The following MPV17L variants were observed in gnomAD, a reference collection of about 807,000 sequenced individuals.
MPV17L encodes the protein MPV17 mitochondrial inner membrane protein like, also known as mpv17-like protein.
MPV17L carries 24 observed loss-of-function variants against 25.8 expected under a neutral mutation model. The ratio of observed to expected loss-of-function variants is 0.93; its 90% CI spans 0.67 to 1.31. The LOEUF is 1.31. Among genes scored for constraint, MPV17L ranks in the 50% most tolerant of loss-of-function variants. MPV17L has a pLI of 0.00. For missense variants in MPV17L, 250 were observed against 265.6 expected (o/e 0.94, Z 0.41); for synonymous variants, 102 against 115.3 (o/e 0.88, Z 0.74).
chr16:15,397,785 AAC>A (rs2050600160), intron 1 of MPV17L, among the ~76,000 whole-genome samples: 1 of 149,770 alleles, frequency 6.7e-6, no homozygotes, highest in Non-Finnish European at 1.5e-5. Context: ...CCCCACCAGA[AAC>A]ACAAACCACC....
Position 15,412,812 on chromosome 16 carries a change from C to T in MPV17L, c.*4700C>T, listed in dbSNP as rs2050745464. 2 of 151,534 alleles carry T rather than the reference C, an allele frequency of 1.3e-5. No individual in the cohort carries two copies. The highest frequency in any genetic ancestry group is 2.4e-5 in the African/African-American group (1 of 41,222). The allele number at this position is 151,534 out of a possible 1,614,324, so 9.4% of individuals were successfully genotyped here. The stretch of plus-strand genomic sequence containing the variant: ...AGCCAGGATGGTCTCAACCTCCTGA[C>T]CTCGTGATCTGCCTGCCTCTGCCTC... On this transcript the variant is annotated 3_prime_UTR_variant, in exon 4 of 4. Coordinates refer to ENST00000396385, the MANE Select transcript of MPV17L (RefSeq NM_001128423.2).
intron 1 of MPV17L, among the ~76,000 whole-genome samples, chr16:15,398,109 G>A (rs948971056): frequency 4.0e-5 from 6 of 151,846 alleles, no homozygotes; most frequent in African/African-American, 1.5e-4. Context: ...CAGTGGCCCA[G>A]TCTCAGCTCA....
chr16:15,407,930 C>T lies in MPV17L; in HGVS notation c.412-3C>T, dbSNP rs72774859. ...GCCCTAACGGACTCTCTCTCTGTTC[C>T]AGCTGACCAACTTCAGCCTTGTTCC... On this transcript the variant is annotated splice_region_variant and splice_polypyrimidine_tract_variant and intron_variant, in intron 3 of 3. Coordinates refer to ENST00000396385, the MANE Select transcript of MPV17L (RefSeq NM_001128423.2). 0.033 allele frequency: 52,879 copies of T among 1,613,610 alleles called. 1,006 individuals carry two copies. Among genetic ancestry groups the T allele is most frequent in the Non-Finnish European group, 0.038 (44,881 of 1,179,950 alleles).
rs2050733110 is a variant in MPV17L at position 15,411,477 on chromosome 16, C to T, written c.*3365C>T. ...CCTAGGCAACATGGCAAGAGCCTGT[C>T]TCTCCAAAACCTACAAAAATTAGCC... On this transcript the variant is annotated 3_prime_UTR_variant, in exon 4 of 4. Transcript: ENST00000396385. 3 of 151,912 alleles carry T rather than the reference C, an allele frequency of 2.0e-5. No homozygotes were observed. The allele number at this position is 151,912 out of a possible 1,614,324, so 9.4% of individuals were successfully genotyped here. A position where few individuals can be genotyped will look rare whatever the true frequency, so the allele number is the denominator to read the frequency against.
intron 2 of MPV17L, among the ~76,000 whole-genome samples, chr16:15,401,086 A>ATATATATATAT (rs1491107374): frequency 1.0e-3 from 20 of 19,850 alleles, no homozygotes; most frequent in Non-Finnish European, 1.7e-3. Context: ...ATATATATAT[A>ATATATATATAT]TTTTTTTTTT....
rs2050739411 is a variant in MPV17L, at chr16:15,412,257, T to A, written c.*4145T>A. On this transcript the variant is annotated 3_prime_UTR_variant, in exon 4 of 4. Transcript: ENST00000396385. ...CAACTTGGGCAATGTGGTGAAACCCTATCCCTACCAAAAATACAAAAATTA... is the reference window on the plus strand; with the variant it reads ...CAACTTGGGCAATGTGGTGAAACCCAATCCCTACCAAAAATACAAAAATTA... The A allele has an allele frequency of 6.6e-6, 1 of 152,010 alleles. No homozygotes were observed. Among genetic ancestry groups the A allele is most frequent in the Non-Finnish European group, 1.5e-5 (1 of 68,032 alleles). 9.4% of individuals were successfully genotyped at this position (152,010 alleles called of 1,614,324 possible).
At chr16:15,405,485 G>A (rs2050672734) in intron 2 of MPV17L, among the ~76,000 whole-genome samples, 1 of 141,762 alleles carries the variant, frequency 7.1e-6, no homozygotes, top group Non-Finnish European at 1.5e-5. Context: ...GTCTCGTTCT[G>A]TTGCCCAGGC....
intron 1 of MPV17L, among the ~76,000 whole-genome samples, chr16:15,398,678 T>A (rs2050608271): frequency 6.7e-6 from 1 of 148,326 alleles, no homozygotes; most frequent in African/African-American, 2.5e-5. Flanking sequence ...AACCTCAGCC[T>A]CCCAGGTTCA....
At chr16:15,403,368 CAAAAAAAAAA>C (rs36042308) in intron 2 of MPV17L, among the ~76,000 whole-genome samples, 1 of 73,050 alleles carries the variant, frequency 1.4e-5, no homozygotes, top group African/African-American at 5.8e-5. Context: ...GACTCCGTCT[CAAAAAAAAAA>C]AAAAAAAAAA....
At chr16:15,401,921 C>T (rs2050642916) in intron 2 of MPV17L, among the ~76,000 whole-genome samples, 1 of 152,160 alleles carries the variant, frequency 6.6e-6, no homozygotes, top group Non-Finnish European at 1.5e-5. Context: ...GTAATGATCA[C>T]AATTTACTTT....
At chr16:15,400,593 G>T (rs1283067629) in intron 1 of MPV17L, among the ~76,000 whole-genome samples, 194 bp from the exon 2 acceptor site, 2 of 152,018 alleles carry the variant, frequency 1.3e-5, no homozygotes, top group East Asian at 3.9e-4. Flanking sequence ...CAAGCAATCT[G>T]CCTGCCTCGG....
At position 15,408,885 on chromosome 16, in the gene MPV17L, C is replaced by G. The variant is rs868424590; in HGVS notation, c.*773C>G. On this transcript the variant is annotated 3_prime_UTR_variant, in exon 4 of 4. Coordinates refer to ENST00000396385, the MANE Select transcript of MPV17L (RefSeq NM_001128423.2). ...CTGCAAGCTCCGCCTCCCGGGTTCA[C>G]GCCATTCTGCGTCAGCCTCCCAAGT... The G allele has an allele frequency of 2.0e-5, 3 of 150,824 alleles. No homozygotes were observed. Among genetic ancestry groups the G allele is most frequent in the Non-Finnish European group, 4.4e-5 (3 of 67,828 alleles). The allele number at this position is 150,824 out of a possible 1,614,324, so 9.3% of individuals were successfully genotyped here. A position where few individuals can be genotyped will look rare whatever the true frequency, so the allele number is the denominator to read the frequency against.
Position 15,409,867 on chromosome 16 carries a change from T to C in MPV17L, c.*1755T>C, listed in dbSNP as rs2050718292. On this transcript the variant is annotated 3_prime_UTR_variant, in exon 4 of 4. Transcript: ENST00000396385. ...AGAGTAGTGTATGATTGGCGTATTC[T>C]GTGTAGAATGTATTTTATTGATGTC... The C allele has an allele frequency of 6.6e-6, 1 of 152,238 alleles. No individual in the cohort carries two copies. Among genetic ancestry groups the C allele is most frequent in the African/African-American group, 2.4e-5 (1 of 41,470 alleles). The allele number at this position is 152,238 out of a possible 1,614,324, so 9.4% of individuals were successfully genotyped here. A position where few individuals can be genotyped will look rare whatever the true frequency, so the allele number is the denominator to read the frequency against.
chr16:15,402,046 C>T (rs1293636133), intron 2 of MPV17L, among the ~76,000 whole-genome samples: 1 of 152,050 alleles, frequency 6.6e-6, no homozygotes, highest in Non-Finnish European at 1.5e-5. Flanking sequence ...CATTCAGAGC[C>T]AATGTTTTCA....
In MPV17L at chr16:15,408,136, GACC is replaced by G; in HGVS notation, c.*27_*29del. On this transcript the variant is annotated 3_prime_UTR_variant, in exon 4 of 4. Coordinates refer to ENST00000396385, the MANE Select transcript of MPV17L (RefSeq NM_001128423.2). ...GAGAAGTCAAGGACTCTCTTAAAGG[GACC>G]ACATTTTTTACCTAAAATGCACAGA... is the stretch of plus-strand genomic sequence containing the variant. 1 of 1,530,468 alleles carries G rather than the reference GACC, an allele frequency of 6.5e-7. No individual in the cohort carries two copies. The highest frequency in any genetic ancestry group is 8.8e-7 in the Non-Finnish European group (1 of 1,131,974). The allele number at this position is 1,530,468 out of a possible 1,614,324, so 94.8% of individuals were successfully genotyped here.
rs572099410 is a variant in MPV17L, at chr16:15,407,812, T to C, written c.382-12T>C. On this transcript the variant is annotated splice_polypyrimidine_tract_variant and intron_variant, in intron 2 of 3. Transcript: ENST00000396385. ...TAATAAAGTTGTTGCTTTTTTTTTT[T>C]CCCAATTCCAGAGTGGACTGATGTA... 2.2e-4 allele frequency: 353 copies of C among 1,589,106 alleles called. 2 individuals are homozygous for C. The highest frequency in any genetic ancestry group is 2.0e-3 in the South Asian group (171 of 85,022).
Position 15,407,841 on chromosome 16 carries a change from GCC to G in MPV17L, c.401_402del (p.Pro134LeufsTer38). The G allele has an allele frequency of 6.2e-7, 1 of 1,613,220 alleles. No homozygotes were observed. Among genetic ancestry groups the G allele is most frequent in the Non-Finnish European group, 8.5e-7 (1 of 1,179,826 alleles). Reference protein sequence around the residue: ...NTYLSGLMYWPFVQLTNFSLV... With the variant: ...NTYLSGLMYWXFVQLTNFSLV... Reference sequence around the variant, plus strand: ...AATTCCAGAGTGGACTGATGTACTGGCCCTTTGTACAGGTAAGTTCCACCTAC... The same window carrying G: ...AATTCCAGAGTGGACTGATGTACTGGCTTTGTACAGGTAAGTTCCACCTAC... On this transcript the variant is annotated frameshift_variant, in exon 3 of 4. Transcript: ENST00000396385. LOFTEE classifies it high-confidence loss of function.
chr16:15,396,093 T>G lies in MPV17L; in HGVS notation c.196T>G (p.Trp66Gly), dbSNP rs753990711. 9.1e-6 allele frequency: 14 copies of G among 1,544,998 alleles called. No homozygotes were observed. In the South Asian group the frequency reaches 1.7e-4, roughly 18 times the overall value. Residue 66 changes from tryptophan (W) to glycine (G), a missense_variant, in exon 1 of 4, where the codon TGG becomes GGG. Coordinates refer to ENST00000396385, the MANE Select transcript of MPV17L (RefSeq NM_001128423.2). ...VTFHANFNYV[W>G]LRLLERALPG... ...CTTCCACGCCAACTTCAACTACGTG[T>G]GGCTGCGCCTGCTGGAGCGCGCGCT...
In MPV17L at chr16:15,412,115, A is replaced by G. The variant is rs141698782; in HGVS notation, c.*4003A>G. 2.6e-5 allele frequency: 4 copies of G among 152,108 alleles called. No homozygotes were observed. Among genetic ancestry groups the G allele is most frequent in the African/African-American group, 9.6e-5 (4 of 41,486 alleles). The allele number at this position is 152,108 out of a possible 1,614,324, so 9.4% of individuals were successfully genotyped here. On this transcript the variant is annotated 3_prime_UTR_variant, in exon 4 of 4. Coordinates refer to ENST00000396385, the MANE Select transcript of MPV17L (RefSeq NM_001128423.2). ...TGGTTTGATGAGAGGGAATTAGGCC[A>G]CTTGAGAGTTTGTGCGTGTTTATAA...
Sources: allele counts gnomAD v4.1 joint callset (sites outside exome capture counted in the v4.1 genomes callset), GRCh38; gene constraint gnomAD v4.1.1; transcripts MANE v1.5; gene names NCBI Gene and HGNC (gene_info 2026-07-23, HGNC 2026-07-21).